CDH26: variants seen among roughly 807,000 people sequenced by gnomAD.
CDH26 encodes cadherin-like protein 26.
In CDH26, 83 loss-of-function variants were observed where a neutral mutation model predicts 90.3. The ratio of observed to expected loss-of-function variants is 0.92; its 90% confidence interval spans 0.77 to 1.10. The LOEUF is 1.10. Ranked by LOEUF, CDH26 falls within the 50% of genes least tolerant of loss-of-function variation. CDH26 has a pLI of 0.00. For synonymous variants in CDH26, 397 were observed against 396.3 expected, an observed-to-expected ratio of 1.00 and a Z score of -0.02; for missense variants, 1,013 against 1,037.6, an observed-to-expected ratio of 0.98 and a Z score of 0.33.
downstream of CDH26, among the ~76,000 whole-genome samples, chr20:60,034,345 C>T (rs1378506622): frequency 6.6e-6 from 1 of 152,168 alleles, no homozygotes; most frequent in Non-Finnish European, 1.5e-5. Flanking sequence ...GAGCTTTGTG[C>T]TCTGGGGGAA....
intron 4 of CDH26, among the ~76,000 whole-genome samples, chr20:59,972,503 C>T (rs368774274): frequency 6.6e-6 from 1 of 152,096 alleles, no homozygotes; most frequent in Non-Finnish European, 1.5e-5. Flanking sequence ...ATGGGTTGCC[C>T]AATAACTGAT....
chr20:59,992,309 A>T lies in CDH26; in HGVS notation c.1284-69A>T. The stretch of plus-strand genomic sequence containing the variant: ...TTTCTATGACATATTTTGTTTTTTT[A>T]TGCAACTTTTTTATCTTTTAATGTA... On this transcript the variant is annotated intron_variant, in intron 9 of 17. Transcript: ENST00000348616. The surrounding 1 kb of genome is among the most constrained non-coding windows in gnomAD (Gnocchi z 5.0). 2 of 1,491,182 alleles carry T rather than the reference A, an allele frequency of 1.3e-6. No individual in the cohort carries two copies. Among genetic ancestry groups the T allele is most frequent in the Admixed American group, 2.2e-5 (1 of 44,686 alleles). 92.4% of individuals were successfully genotyped at this position (1,491,182 alleles called of 1,614,324 possible).
At position 60,014,075 on chromosome 20, in the gene CDH26, T is replaced by A. The variant is rs2061882946; in HGVS notation, c.*1345T>A. The A allele has an allele frequency of 6.6e-6, 1 of 152,194 alleles. No homozygotes were observed. Among genetic ancestry groups the A allele is most frequent in the Non-Finnish European group, 1.5e-5 (1 of 68,030 alleles). The allele number at this position is 152,194 out of a possible 1,614,324, so 9.4% of individuals were successfully genotyped here. A position where few individuals can be genotyped will look rare whatever the true frequency, so the allele number is the denominator to read the frequency against. On this transcript the variant is annotated 3_prime_UTR_variant, in exon 18 of 18. Transcript: ENST00000348616. ...CAAAACAAAGTAAACATTAGTTTATTCGATTGCCTCCTTATACTTGCCTCT... is the reference window on the plus strand; with the variant it reads ...CAAAACAAAGTAAACATTAGTTTATACGATTGCCTCCTTATACTTGCCTCT...
intron 4 of CDH26, 70 bp from the exon 5 acceptor site, chr20:59,982,853 A>G: frequency 6.5e-7 from 1 of 1,535,358 alleles, no homozygotes; most frequent in Non-Finnish European, 8.9e-7. Context: ...TAATTAGGAT[A>G]ACAGTTATTT....
intron 11 of CDH26, among the ~76,000 whole-genome samples, chr20:59,994,906 G>C (rs939880887): frequency 4.6e-5 from 7 of 152,268 alleles, no homozygotes; most frequent in Admixed American, 2.6e-4. Flanking sequence ...TTGGGATCTG[G>C]GCTCACCCTC....
chr20:59,977,348 C>G (rs2061339060), intron 4 of CDH26, among the ~76,000 whole-genome samples: 1 of 152,164 alleles, frequency 6.6e-6, no homozygotes, highest in African/African-American at 2.4e-5. Flanking sequence ...TGCCCTTTCC[C>G]ACTCCCTTTT....
At chr20:59,967,094 T>C (rs1385441980) in intron 1 of CDH26, among the ~76,000 whole-genome samples, 1 of 152,210 alleles carries the variant, frequency 6.6e-6, no homozygotes, top group African/African-American at 2.4e-5. Flanking sequence ...TATAGCCATA[T>C]CTATGCACAC....
intron 10 of CDH26, among the ~76,000 whole-genome samples, chr20:59,993,407 C>T (rs1464697172): frequency 2.6e-5 from 4 of 152,118 alleles, no homozygotes; most frequent in Admixed American, 6.6e-5. Context: ...ATTTCTTAGC[C>T]CTTGGCTCCC....
chr20:59,958,527 G>A lies in CDH26; in HGVS notation c.-200G>A. Reference sequence around the variant, plus strand: ...AACGTATGTTCAAGCTTACAAGTCAGCCCACCCCACTCTGATAAATGCAAG... The same window carrying A: ...AACGTATGTTCAAGCTTACAAGTCAACCCACCCCACTCTGATAAATGCAAG... On this transcript the variant is annotated 5_prime_UTR_variant, in exon 1 of 18. Transcript: ENST00000348616. 2 of 629,560 alleles carry A rather than the reference G, an allele frequency of 3.2e-6. No individual in the cohort carries two copies. The highest frequency in any genetic ancestry group is 5.7e-6 in the Non-Finnish European group (2 of 349,452). 39.0% of individuals were successfully genotyped at this position (629,560 alleles called of 1,614,324 possible). A position where few individuals can be genotyped will look rare whatever the true frequency, so the allele number is the denominator to read the frequency against.
chr20:59,959,151 AG>A (rs2061035216), intron 1 of CDH26, among the ~76,000 whole-genome samples: 1 of 152,006 alleles, frequency 6.6e-6, no homozygotes, highest in Non-Finnish European at 1.5e-5. Flanking sequence ...TCCAGGCTGG[AG>A]TGCAGTGGCA....
chr20:60,032,215 A>G (rs933339504), intron 8 of CDH26, among the ~76,000 whole-genome samples: 1 of 152,194 alleles, frequency 6.6e-6, no homozygotes, highest in African/African-American at 2.4e-5. Context: ...TTTTAACCCA[A>G]TGAAGGTTTA....
chr20:59,998,261 G>A (rs1176673831), intron 13 of CDH26, among the ~76,000 whole-genome samples: 6 of 152,192 alleles, frequency 3.9e-5, no homozygotes, highest in Non-Finnish European at 5.9e-5. Context: ...CTCCTTGGAG[G>A]GAGAGAGTGA....
intron 7 of CDH26, among the ~76,000 whole-genome samples, chr20:60,027,531 A>G (rs1374671641): frequency 1.3e-5 from 2 of 152,194 alleles, no homozygotes; most frequent in East Asian, 3.9e-4. Context: ...AGTATACTTT[A>G]CCCCTAAATA....
intron 1 of CDH26, among the ~76,000 whole-genome samples, chr20:59,964,223 A>G (rs2061116498): frequency 6.6e-6 from 1 of 152,240 alleles, no homozygotes; most frequent in South Asian, 2.1e-4. Context: ...CACAGATTAC[A>G]TCTTCATTCA....
At chr20:60,034,682 T>C (rs1444268672), downstream of CDH26, among the ~76,000 whole-genome samples, 3 of 152,208 alleles carry the variant, frequency 2.0e-5, no homozygotes, top group Non-Finnish European at 4.4e-5. Context: ...CCAGTTCTCC[T>C]TTAGTGTTCA....
intron 4 of CDH26, among the ~76,000 whole-genome samples, chr20:59,979,386 A>G (rs1247674418): frequency 2.0e-5 from 3 of 151,802 alleles, no homozygotes; most frequent in South Asian, 2.1e-4. Context: ...TTTAGTAGAG[A>G]TAGGGTTTCA....
chr20:59,977,182 C>T (rs112503551), intron 4 of CDH26, among the ~76,000 whole-genome samples: 1,860 of 152,182 alleles, frequency 0.012, 14 homozygotes, highest in South Asian at 0.039. Flanking sequence ...CTGGTGAGTC[C>T]GCCCTGGGCC....
intron 16 of CDH26, among the ~76,000 whole-genome samples, chr20:60,003,544 C>A (rs2061702617): frequency 6.6e-6 from 1 of 152,076 alleles, no homozygotes; most frequent in Admixed American, 6.5e-5. Context: ...GCTCAGTTTA[C>A]AATGTTAGGA....
rs763163503 is a variant in CDH26 at position 59,994,245 on chromosome 20, A to G, written c.1427-5A>G. 1.9e-6 allele frequency: 3 copies of G among 1,613,284 alleles called. No individual in the cohort carries two copies. In the East Asian group the frequency reaches 6.7e-5, roughly 36 times the overall value. ...ACAACTCCTGAAACTTCCTCCCCAT[A>G]CAAGGCTTCCCACCGCAGACTGCTA... On this transcript the variant is annotated splice_region_variant and splice_polypyrimidine_tract_variant and intron_variant, in intron 10 of 17. Coordinates refer to ENST00000348616, the MANE Select transcript of CDH26 (RefSeq NM_177980.4).
Sources: allele counts gnomAD v4.1 joint callset (sites outside exome capture counted in the v4.1 genomes callset), GRCh38; gene constraint gnomAD v4.1.1; non-coding constraint Gnocchi (gnomAD v3.1); transcripts MANE v1.5; gene names NCBI Gene and HGNC (gene_info 2026-07-23, HGNC 2026-07-21).